The following UNC5A variants were observed in gnomAD, a reference collection of about 807,000 sequenced individuals.
UNC5A encodes the protein netrin receptor UNC5A.
A neutral mutation model predicts 87.4 loss-of-function variants in UNC5A; 20 were observed. The ratio of observed to expected loss-of-function variants is 0.23; its 90% CI spans 0.16 to 0.33. The LOEUF (loss-of-function observed/expected upper bound fraction) is 0.33. UNC5A is among the 10% of genes least tolerant of loss of function. The pLI is 1.00. For missense variants in UNC5A, 844 were observed against 1,133.4 expected (o/e 0.74, Z 3.67); for synonymous variants, 438 against 482.3 (o/e 0.91, Z 1.20).
intron 1 of UNC5A, among the ~76,000 whole-genome samples, chr5:176,829,328 T>TGG (rs1756938962): frequency 2.1e-4 from 20 of 93,412 alleles, no homozygotes; most frequent in African/African-American, 5.0e-4. Context: ...ATGTATGAAA[T>TGG]ATGGATGGAT....
intron 1 of UNC5A, among the ~76,000 whole-genome samples, chr5:176,839,600 T>G (rs1757223348): frequency 1.3e-5 from 2 of 152,164 alleles, no homozygotes; most frequent in Non-Finnish European, 2.9e-5. Flanking sequence ...TGGACTTCCC[T>G]GGTTTGTGGG....
At position 176,838,871 on chromosome 5, in the gene UNC5A, G is replaced by A. The variant is rs1757203414; in HGVS notation, c.71-23753G>A. Among the ~76,000 whole-genome samples, 1 of 152,212 alleles carries A rather than the reference G, an allele frequency of 6.6e-6. No homozygotes were observed. Among genetic ancestry groups the A allele is most frequent in the African/African-American group, 2.4e-5 (1 of 41,452 alleles). ...CAGAGCCAGGGCAGGAGATAGCATTGGTTTAAGCCAATCAGGGTCCATCCC... is the reference window on the plus strand; with the variant it reads ...CAGAGCCAGGGCAGGAGATAGCATTAGTTTAAGCCAATCAGGGTCCATCCC... On this transcript the variant is annotated intron_variant, in intron 1 of 14. Transcript: ENST00000329542. The surrounding 1 kb of genome is among the most constrained non-coding windows in gnomAD (Gnocchi z 4.2).
chr5:176,854,976 G>A (rs1036554423), intron 1 of UNC5A, among the ~76,000 whole-genome samples: 12 of 152,216 alleles, frequency 7.9e-5, no homozygotes, highest in African/African-American at 2.9e-4. Context: ...TGGTCACCCA[G>A]GCAGACAGCA....
rs1256816285 is a variant in UNC5A at position 176,874,635 on chromosome 5, T to C, written c.1378+69T>C. ...TGGAGGAGGACGGGACAGCCGGACG[T>C]TCCTCTCGTGCCCCTCGGTGTCCCG... On this transcript the variant is annotated intron_variant, in intron 8 of 14. Coordinates refer to ENST00000329542, the MANE Select transcript of UNC5A (RefSeq NM_133369.3). The surrounding 1 kb of genome is among the most constrained non-coding windows in gnomAD (Gnocchi z 7.6). 1.4e-6 allele frequency: 2 copies of C among 1,465,394 alleles called. No homozygotes were observed. The highest frequency in any genetic ancestry group is 2.8e-5 in the African/African-American group (2 of 70,238). The allele number at this position is 1,465,394 out of a possible 1,614,324, so 90.8% of individuals were successfully genotyped here.
At chr5:176,837,337 G>A (rs1049152533) in intron 1 of UNC5A, among the ~76,000 whole-genome samples, 6 of 152,208 alleles carry the variant, frequency 3.9e-5, no homozygotes, top group Admixed American at 6.5e-5. Context: ...GAGGACAGGA[G>A]CCTCTTGCCA....
At chr5:176,862,307 C>A (rs1757860336) in intron 1 of UNC5A, among the ~76,000 whole-genome samples, 2 of 152,216 alleles carry the variant, frequency 1.3e-5, no homozygotes, top group South Asian at 4.1e-4. Context: ...CAGGGGCCTG[C>A]CTGGCCAGAT....
intron 1 of UNC5A, among the ~76,000 whole-genome samples, chr5:176,829,478 A>T (rs1561643320): frequency 7.9e-6 from 1 of 127,384 alleles, no homozygotes; most frequent in African/African-American, 3.0e-5. Flanking sequence ...GGGTGGGTGG[A>T]TGGTTGGGTG....
intron 2 of UNC5A, chr5:176,864,825 G>C (rs911709094): frequency 1.1e-5 from 5 of 455,976 alleles, no homozygotes; most frequent in Non-Finnish European, 2.2e-5. Flanking sequence ...GAGGGAGATA[G>C]AGAGGGTTGG....
chr5:176,867,859 A>C (rs1032382420), intron 2 of UNC5A, among the ~76,000 whole-genome samples: 5 of 152,040 alleles, frequency 3.3e-5, no homozygotes, highest in Non-Finnish European at 5.9e-5. Context: ...GTCAGGCCTC[A>C]GGTAACAAAG....
At chr5:176,873,151 T>C (rs1209514063) in intron 6 of UNC5A, among the ~76,000 whole-genome samples, 2 of 146,290 alleles carry the variant, frequency 1.4e-5, no homozygotes, top group African/African-American at 2.6e-5. Flanking sequence ...GCTTCCCATC[T>C]GCCCACACTC....
intron 1 of UNC5A, among the ~76,000 whole-genome samples, chr5:176,851,657 C>A (rs117600422): frequency 7.2e-5 from 11 of 152,208 alleles, no homozygotes; most frequent in Admixed American, 5.2e-4. Flanking sequence ...CTGTGCACCC[C>A]CCTCGGGTGG....
intron 1 of UNC5A, among the ~76,000 whole-genome samples, chr5:176,823,063 A>G (rs1045404945): frequency 6.6e-6 from 1 of 151,774 alleles, no homozygotes; most frequent in South Asian, 2.1e-4. Flanking sequence ...CATCCAGGCA[A>G]GAAATGACGA....
chr5:176,847,961 C>A (rs187679737), intron 1 of UNC5A, among the ~76,000 whole-genome samples: 7 of 152,218 alleles, frequency 4.6e-5, no homozygotes, highest in Non-Finnish European at 1.5e-5. Context: ...GGCGGAGGCC[C>A]AGGATGGAGG....
At chr5:176,868,411 G>A in intron 3 of UNC5A, 138 bp downstream of exon 3, 3 of 1,472,056 alleles carry the variant, frequency 2.0e-6, no homozygotes, top group South Asian at 1.2e-5. Context: ...TAAAGTGCCT[G>A]TGGACACGGC....
chr5:176,839,222 A>G (rs1404100735), intron 1 of UNC5A, among the ~76,000 whole-genome samples: 1 of 152,196 alleles, frequency 6.6e-6, no homozygotes, highest in African/African-American at 2.4e-5. Flanking sequence ...AGCACCTAGC[A>G]CATGCTCTTT....
chr5:176,821,522 G>A lies in UNC5A; in HGVS notation c.70+10702G>A, dbSNP rs1756727772. On this transcript the variant is annotated intron_variant, in intron 1 of 14. Transcript: ENST00000329542. ...TGCCAGGACGCCTTGAGAGTGGTCA[G>A]CATTCTGCCTCCTCCCACAACAGTG... Among the ~76,000 whole-genome samples the A allele has an allele frequency of 2.0e-5, 3 of 152,316 alleles. No homozygotes were observed. The South Asian group carries it at 6.2e-4, about 32-fold the overall frequency.
intron 1 of UNC5A, among the ~76,000 whole-genome samples, chr5:176,851,878 C>T: frequency 6.6e-6 from 1 of 152,176 alleles, no homozygotes; most frequent in Non-Finnish European, 1.5e-5. Flanking sequence ...GGGGAGGGTG[C>T]CCCCAGAGCT....
chr5:176,841,611 A>G lies in UNC5A; in HGVS notation c.71-21013A>G, dbSNP rs1757278502. On this transcript the variant is annotated intron_variant, in intron 1 of 14. Transcript: ENST00000329542. This position sits in a 1 kb window ranked among gnomAD's most constrained non-coding sequence, Gnocchi z 4.1. Reference sequence around the variant, plus strand: ...TTCTCTACAAATGTACATAGCACAAACCACAAAGATAAAAGTTCCTATCAA... The same window carrying G: ...TTCTCTACAAATGTACATAGCACAAGCCACAAAGATAAAAGTTCCTATCAA... 6.6e-6 allele frequency among the ~76,000 whole-genome samples: 1 copy of G among 152,228 alleles called. No individual in the cohort carries two copies. The highest frequency in any genetic ancestry group is 2.4e-5 in the African/African-American group (1 of 41,450).
intron 1 of UNC5A, among the ~76,000 whole-genome samples, chr5:176,845,459 G>C (rs548687571): frequency 6.6e-6 from 1 of 152,198 alleles, no homozygotes; most frequent in Non-Finnish European, 1.5e-5. Context: ...CCCGTTCCCC[G>C]AGGCCCTGAG....
Sources: gnomAD v4.1 joint callset for allele counts (sites outside exome capture counted in the v4.1 genomes callset) on GRCh38, gnomAD v4.1.1 for gene constraint, Gnocchi (gnomAD v3.1) non-coding constraint, MANE v1.5 for transcripts, NCBI Gene and HGNC (gene_info 2026-07-23, HGNC 2026-07-21) for gene names.